PCDHA3: variants seen among roughly 807,000 people sequenced by gnomAD.
PCDHA3 encodes protocadherin alpha-3.
PCDHA3 carries 41 observed loss-of-function variants against 62.2 expected under a neutral mutation model. The observed-to-expected ratio is 0.66, with a 90% CI of 0.51 to 0.86. PCDHA3 has a LOEUF of 0.86. Among genes scored for constraint, PCDHA3 ranks in the 40% least tolerant of loss-of-function variants. The pLI, the probability that PCDHA3 is intolerant of heterozygous loss-of-function variation, is 0.00. For missense variants in PCDHA3, 1,304 were observed against 1,241.2 expected, an observed-to-expected ratio of 1.05 and a Z score of -0.76; for synonymous variants, 640 against 555.4, an observed-to-expected ratio of 1.15 and a Z score of -2.14.
At chr5:140,850,194 A>G (rs1581216724) in intron 1 of PCDHA3, 2 of 1,592,988 alleles carry the variant, frequency 1.3e-6, no homozygotes, top group East Asian at 2.3e-5. Context: ...GGCGCTGCTG[A>G]CACCTCGGAT....
chr5:140,901,690 T>C (rs566618023), intron 1 of PCDHA3, among the ~76,000 whole-genome samples: 22 of 152,340 alleles, frequency 1.4e-4, no homozygotes, highest in African/African-American at 5.3e-4. Flanking sequence ...ATGGGTATTT[T>C]GTAGTTCTAT....
chr5:140,968,371 C>T (rs1554230646), intron 1 of PCDHA3: 3 of 1,614,088 alleles, frequency 1.9e-6, no homozygotes, highest in Non-Finnish European at 2.5e-6. Context: ...ATGCTGTCAA[C>T]TCCTTTGACT....
rs200797202 is a variant in PCDHA3 at position 140,937,911 on chromosome 5, C to CA, written c.2395-41022dup. On this transcript the variant is annotated intron_variant, in intron 1 of 3. Coordinates refer to ENST00000522353, the MANE Select transcript of PCDHA3 (RefSeq NM_018906.3). ...TGGGCGACAGAGTGAGACTCCGTCT[C>CA]AAAAAAAAAAAAAAAAGTTTAATTT... 3.1e-3 allele frequency among the ~76,000 whole-genome samples: 361 copies of CA among 117,828 alleles called. 2 individuals are homozygous for CA. In the East Asian group the frequency reaches 0.042, roughly 14 times the overall value. 77.3% of individuals were successfully genotyped at this position (117,828 alleles called of 152,430 possible).
At chr5:140,951,876 G>A (rs1554220112) in intron 1 of PCDHA3, among the ~76,000 whole-genome samples, 1 of 152,094 alleles carries the variant, frequency 6.6e-6, no homozygotes, top group East Asian at 1.9e-4. Context: ...CTGAGACAAG[G>A]CAACTCTCTT....
At chr5:140,827,272 C>T (rs868912069) in intron 1 of PCDHA3, among the ~76,000 whole-genome samples, 1 of 152,146 alleles carries the variant, frequency 6.6e-6, no homozygotes, top group African/African-American at 2.4e-5. Context: ...CATTTAGGAA[C>T]AGCTGAAGAA....
In PCDHA3 at chr5:140,883,821, A is replaced by T; in HGVS notation, c.2394+80230A>T. ...GTGCACGCGGAGAGCGGCAAGGTGT[A>T]CGCGCTGCAGCCGTTGGACCACGAG... On this transcript the variant is annotated intron_variant, in intron 1 of 3. Transcript: ENST00000522353. 6.2e-7 allele frequency: 1 copy of T among 1,612,450 alleles called. No individual in the cohort carries two copies. The highest frequency in any genetic ancestry group is 8.5e-7 in the Non-Finnish European group (1 of 1,179,756).
intron 1 of PCDHA3, among the ~76,000 whole-genome samples, chr5:140,805,879 T>C (rs1192632179): frequency 6.6e-6 from 1 of 152,126 alleles, no homozygotes; most frequent in Admixed American, 6.5e-5. Context: ...TATTAGGCAA[T>C]GGAAGGAAGC....
chr5:140,917,797 C>T (rs1174581148), intron 1 of PCDHA3, among the ~76,000 whole-genome samples: 2 of 151,940 alleles, frequency 1.3e-5, no homozygotes, highest in African/African-American at 4.8e-5. Flanking sequence ...GTTACTGTAG[C>T]CTTGCAGTAT....
At position 140,929,044 on chromosome 5, in the gene PCDHA3, T is replaced by C. The variant is rs17844369; in HGVS notation, c.2395-49905T>C. ...GAGCCCAGGCTGTTGCGCTCAGAGC[T>C]GCTGTCGCTCTACAGAGGATCTGAG... On this transcript the variant is annotated intron_variant, in intron 1 of 3. Coordinates refer to ENST00000522353, the MANE Select transcript of PCDHA3 (RefSeq NM_018906.3). 7 of 1,614,100 alleles carry C rather than the reference T, an allele frequency of 4.3e-6. No individual in the cohort carries two copies. The East Asian group carries it at 1.6e-4, about 36-fold the overall frequency.
At chr5:140,884,381 T>C in intron 1 of PCDHA3, 2 of 1,613,986 alleles carry the variant, frequency 1.2e-6, no homozygotes, top group Non-Finnish European at 1.7e-6. Flanking sequence ...CATTGCCATC[T>C]GCGCGGTGTC....
chr5:140,967,342 C>T (rs149890293), intron 1 of PCDHA3: 40 of 1,607,992 alleles, frequency 2.5e-5, no homozygotes, highest in Non-Finnish European at 3.4e-5. Context: ...CCAGCGAGCA[C>T]TTCGAGCTGG....
chr5:140,968,124 G>A (rs202202452), intron 1 of PCDHA3: 59 of 1,614,008 alleles, frequency 3.7e-5, no homozygotes, highest in Non-Finnish European at 4.7e-5. Flanking sequence ...ACATCCCTGC[G>A]TACACTGAAG....
At chr5:140,848,810 C>T (rs2150250287) in intron 1 of PCDHA3, 1 of 1,591,698 alleles carries the variant, frequency 6.3e-7, no homozygotes, top group East Asian at 2.2e-5. Context: ...GCAGCATCCA[C>T]CTGGAGGTGA....
chr5:140,855,491 A>AAG, intron 1 of PCDHA3, among the ~76,000 whole-genome samples: 1 of 149,140 alleles, frequency 6.7e-6, no homozygotes, highest in South Asian at 2.1e-4. Context: ...TTAGTGTCTA[A>AAG]ATAAACCTTA....
chr5:140,851,090 A>G lies in PCDHA3; in HGVS notation c.2394+47499A>G. 3.9e-6 allele frequency: 5 copies of G among 1,295,740 alleles called. 1 individual carries two copies. Among genetic ancestry groups the G allele is most frequent in the African/African-American group, 1.5e-5 (1 of 65,588 alleles). The allele number at this position is 1,295,740 out of a possible 1,614,324, so 80.3% of individuals were successfully genotyped here. ...GAGAATTATAAACTGTATATTAAAT[A>G]GATATTTTTTGGGTGCTGAATCAAT... is the stretch of plus-strand genomic sequence containing the variant. On this transcript the variant is annotated intron_variant, in intron 1 of 3. Coordinates refer to ENST00000522353, the MANE Select transcript of PCDHA3 (RefSeq NM_018906.3).
rs1554121590 is a variant in PCDHA3 at position 140,801,627 on chromosome 5, G to C, written c.430G>C (p.Glu144Gln). ...PMAVKNLFIS[E>Q]SRQPGSRFSL... is the part of the protein sequence containing the mutation. ...GGCTGTAAAGAATCTGTTTATTTCC[G>C]AATCCCGACAGCCTGGCTCTCGGTT... is the stretch of plus-strand genomic sequence containing the variant. The change falls in exon 1 of 4, where the codon GAA becomes CAA. Residue 144 changes from glutamate to glutamine, a missense_variant. Coordinates refer to ENST00000522353, the MANE Select transcript of PCDHA3 (RefSeq NM_018906.3). The C allele has an allele frequency of 5.6e-6, 9 of 1,614,018 alleles. No homozygotes were observed. Among genetic ancestry groups the C allele is most frequent in the Non-Finnish European group, 5.9e-6 (7 of 1,180,022 alleles).
At chr5:140,805,407 T>C (rs1343800816) in intron 1 of PCDHA3, 2 of 1,077,090 alleles carry the variant, frequency 1.9e-6, no homozygotes, top group Non-Finnish European at 1.1e-6. Flanking sequence ...ATTCAGAAAT[T>C]TGGTGGGTTT....
intron 1 of PCDHA3, among the ~76,000 whole-genome samples, chr5:140,881,606 T>A (rs1554172306): frequency 6.6e-6 from 1 of 152,226 alleles, no homozygotes; most frequent in East Asian, 1.9e-4. Context: ...TAATATGATG[T>A]GCTTATTCAA....
At chr5:140,904,435 A>G (rs542932460) in intron 1 of PCDHA3, among the ~76,000 whole-genome samples, 4 of 151,230 alleles carry the variant, frequency 2.6e-5, no homozygotes, top group African/African-American at 9.7e-5. Flanking sequence ...ATATATATGT[A>G]TATTACAATT....
Sources: gnomAD v4.1 joint callset for allele counts (sites outside exome capture counted in the v4.1 genomes callset) on GRCh38, gnomAD v4.1.1 for gene constraint, MANE v1.5 for transcripts, NCBI Gene and HGNC (gene_info 2026-07-23, HGNC 2026-07-21) for gene names.